Variants in IPO5 observed in about 807,000 individuals in gnomAD.
The protein encoded by IPO5 is importin 5.
In IPO5, 18 loss-of-function variants were observed where a neutral mutation model predicts 143.3. That is an observed-to-expected ratio of 0.13 (90% confidence interval 0.09 to 0.19). IPO5 has a LOEUF of 0.19. Among genes scored for constraint, IPO5 ranks in the 10% least tolerant of loss-of-function variants. The pLI, the probability that IPO5 is intolerant of heterozygous loss-of-function variation, is 1.00. For synonymous variants in IPO5, 477 were observed against 465.7 expected (o/e 1.02, Z -0.31); for missense variants, 1,013 against 1,336.9 (o/e 0.76, Z 3.78).
At position 97,992,880 on chromosome 13, in the gene IPO5, C is replaced by A; in HGVS notation, c.670-12C>A. On this transcript the variant is annotated splice_polypyrimidine_tract_variant and intron_variant, in intron 9 of 28. Coordinates refer to ENST00000651721, the MANE Select transcript of IPO5 (RefSeq NM_002271.6). ...AATCTTCAGCACCGACTTTCTGTTT[C>A]ATCTTTTCTAGGCGGTAAATGACTC... The A allele has an allele frequency of 6.3e-7, 1 of 1,598,970 alleles. No individual in the cohort carries two copies. Among genetic ancestry groups the A allele is most frequent in the South Asian group, 1.1e-5 (1 of 88,836 alleles).
intron 2 of IPO5, among the ~76,000 whole-genome samples, chr13:97,969,175 A>ATATATTTT (rs1234384302): frequency 2.3e-4 from 10 of 43,904 alleles, no homozygotes; most frequent in African/African-American, 9.5e-4. Context: ...ATATATATAT[A>ATATATTTT]TTTTTTTTTT....
chr13:97,990,258 T>C, intron 8 of IPO5, 36 bp downstream of exon 8: 1 of 1,431,690 alleles, frequency 7.0e-7, no homozygotes, highest in Non-Finnish European at 9.8e-7. Flanking sequence ...TAACCATCTA[T>C]TTTAATCTAA....
intron 22 of IPO5, among the ~76,000 whole-genome samples, chr13:98,014,458 A>G (rs1305414955): frequency 6.6e-6 from 1 of 152,148 alleles, no homozygotes; most frequent in Non-Finnish European, 1.5e-5. Flanking sequence ...TTGTATTTTT[A>G]GTAGATGTTC....
chr13:97,961,478 T>C (rs763474719), intron 2 of IPO5, among the ~76,000 whole-genome samples: 3 of 152,190 alleles, frequency 2.0e-5, no homozygotes, highest in Non-Finnish European at 4.4e-5. Flanking sequence ...ATTACAGGCA[T>C]GCGTCACCAC....
rs540941281 is a variant in IPO5, at chr13:98,016,537, G to A, written c.2494-192G>A. Among the ~76,000 whole-genome samples, 87 of 152,106 alleles carry A rather than the reference G, an allele frequency of 5.7e-4. 1 individual carries two copies. The highest frequency in any genetic ancestry group is 1.7e-3 in the East Asian group (9 of 5,178). ...ACCTTTGTCTTTCGAGGTAAGACTG[G>A]CCTTTGATTAGTAAGAGACATGATA... On this transcript the variant is annotated intron_variant, in intron 24 of 28. Coordinates refer to ENST00000651721, the MANE Select transcript of IPO5 (RefSeq NM_002271.6).
chr13:98,012,308 G>T lies in IPO5; in HGVS notation c.2118G>T (p.Leu706=). The change falls in exon 21 of 29, where the codon CTG becomes CTT. Residue 706 remains leucine, a synonymous_variant. Coordinates refer to ENST00000651721, the MANE Select transcript of IPO5 (RefSeq NM_002271.6). ...FVEYTEQVVK[L]MVPLLKFYFH... Reference sequence around the variant, plus strand: ...AGTACACCGAACAGGTTGTCAAACTGATGGTCCCTTTACTGAAATTTTATT... The same window carrying T: ...AGTACACCGAACAGGTTGTCAAACTTATGGTCCCTTTACTGAAATTTTATT... 1.2e-6 allele frequency: 2 copies of T among 1,611,346 alleles called. No homozygotes were observed. The highest frequency in any genetic ancestry group is 1.7e-4 in the Middle Eastern group (1 of 6,052).
chr13:98,020,002 G>T, intron 27 of IPO5, 193 bp downstream of exon 27: 2 of 451,948 alleles, frequency 4.4e-6, no homozygotes, highest in Admixed American at 3.9e-5. Flanking sequence ...CTTATAATAA[G>T]GTCTAATTTT....
At chr13:97,996,687 C>T (rs1045232131) in intron 11 of IPO5, among the ~76,000 whole-genome samples, 9 of 152,088 alleles carry the variant, frequency 5.9e-5, no homozygotes, top group African/African-American at 9.7e-5. Flanking sequence ...ACAGCGAGCT[C>T]CACCTCCCAG....
At position 97,978,530 on chromosome 13, in the gene IPO5, G is replaced by A. The variant is rs186777005; in HGVS notation, c.90+1744G>A. ...TAGCATTTGTTCCTAGAAGTGATAT[G>A]CATGTATTGCACCAGTTTGCCTTGG... On this transcript the variant is annotated intron_variant, in intron 4 of 28. Coordinates refer to ENST00000651721, the MANE Select transcript of IPO5 (RefSeq NM_002271.6). Among the ~76,000 whole-genome samples the A allele has an allele frequency of 1.5e-3, 225 of 152,060 alleles. 1 individual carries two copies. The highest frequency in any genetic ancestry group is 4.9e-3 in the African/African-American group (205 of 41,456).
At chr13:97,973,854 G>A (rs1468622669) in intron 3 of IPO5, among the ~76,000 whole-genome samples, 3 of 152,156 alleles carry the variant, frequency 2.0e-5, no homozygotes, top group Admixed American at 6.5e-5. Context: ...AGGATCGCCC[G>A]AACTCAGGAG....
chr13:97,984,836 C>G (rs1021458358), intron 5 of IPO5, among the ~76,000 whole-genome samples: 33 of 152,038 alleles, frequency 2.2e-4, no homozygotes, highest in Middle Eastern at 3.4e-3. Context: ...TTGATAATCT[C>G]AAGAAATGTT....
chr13:98,000,763 A>G, intron 13 of IPO5, 118 bp downstream of exon 13: 1 of 675,814 alleles, frequency 1.5e-6, no homozygotes, highest in South Asian at 1.9e-5. Context: ...TCCATATTTA[A>G]CCCAATTCAT....
At chr13:98,004,539 C>G (rs1358050973) in intron 16 of IPO5, among the ~76,000 whole-genome samples, 1 of 152,208 alleles carries the variant, frequency 6.6e-6, no homozygotes, top group Admixed American at 6.5e-5. Context: ...CCCTGCCCTT[C>G]CTTCCTGCAG....
intron 26 of IPO5, among the ~76,000 whole-genome samples, chr13:98,019,046 C>T (rs1212819845): frequency 6.6e-6 from 1 of 152,014 alleles, no homozygotes; most frequent in Non-Finnish European, 1.5e-5. Flanking sequence ...ACCTCCGCCT[C>T]CCGGGTTCGA....
intron 3 of IPO5, among the ~76,000 whole-genome samples, chr13:97,970,313 G>A (rs944047886): frequency 3.3e-5 from 5 of 151,966 alleles, no homozygotes; most frequent in Non-Finnish European, 5.9e-5. Context: ...AATTTACTGT[G>A]TATTTTACAC....
At chr13:97,978,015 C>T (rs534299877) in intron 4 of IPO5, among the ~76,000 whole-genome samples, 17 of 152,284 alleles carry the variant, frequency 1.1e-4, no homozygotes, top group Non-Finnish European at 2.2e-4. Context: ...GGTGGATATG[C>T]TGGTTACACT....
chr13:97,954,062 C>A, intron 1 of IPO5, 57 bp from the exon 2 acceptor site: 1 of 333,138 alleles, frequency 3.0e-6, no homozygotes, highest in Non-Finnish European at 6.1e-6. Flanking sequence ...GGTTATTATC[C>A]TAAAGGTCTG....
At chr13:97,969,503 T>G (rs1252095102) in intron 2 of IPO5, among the ~76,000 whole-genome samples, 1 of 152,032 alleles carries the variant, frequency 6.6e-6, no homozygotes, top group Non-Finnish European at 1.5e-5. Flanking sequence ...TATTTTTATT[T>G]CAGGTATTAA....
rs746320816 is a variant in IPO5, at chr13:98,009,590, A to T, written c.1801-291A>T. On this transcript the variant is annotated intron_variant, in intron 18 of 28. Coordinates refer to ENST00000651721, the MANE Select transcript of IPO5 (RefSeq NM_002271.6). ...GATTAGTTTCATTTAGATGATTCAG[A>T]TGCTAAGAAAGAAAACCATTATCAC... is the stretch of plus-strand genomic sequence containing the variant. 2.0e-5 allele frequency among the ~76,000 whole-genome samples: 3 copies of T among 152,194 alleles called. No individual in the cohort carries two copies. In the East Asian group the frequency reaches 5.8e-4, roughly 29 times the overall value.
Sources: allele counts gnomAD v4.1 joint callset (sites outside exome capture counted in the v4.1 genomes callset), GRCh38; gene constraint gnomAD v4.1.1; transcripts MANE v1.5; gene names NCBI Gene and HGNC (gene_info 2026-07-23, HGNC 2026-07-21).